SLC12A7: variants seen among roughly 807,000 people sequenced by gnomAD.
SLC12A7 encodes the protein K-Cl cotransporter 4.
In SLC12A7, 100 loss-of-function variants were observed where a neutral mutation model predicts 120.6. The ratio of observed to expected loss-of-function variants is 0.83; its 90% CI spans 0.71 to 0.98. The LOEUF is 0.98. Among genes scored for constraint, SLC12A7 ranks in the 50% least tolerant of loss-of-function variants. The pLI is 0.00. For missense variants in SLC12A7, 1,373 were observed against 1,548.1 expected (o/e 0.89, Z 1.90); for synonymous variants, 760 against 678.0 (o/e 1.12, Z -1.88).
the SLC12A7 span, among the ~76,000 whole-genome samples, chr5:1,129,959 G>C: frequency 6.6e-6 from 1 of 152,164 alleles, no homozygotes; most frequent in East Asian, 1.9e-4. Flanking sequence ...AGGGGTCAGA[G>C]CTCAAGGGAC....
chr5:1,096,538 C>T (rs1741149349), intron 1 of SLC12A7, among the ~76,000 whole-genome samples: 1 of 151,620 alleles, frequency 6.6e-6, no homozygotes, highest in African/African-American at 2.4e-5. Context: ...TGGATTCCTG[C>T]TCAGGCCCTT....
intron 22 of SLC12A7, among the ~76,000 whole-genome samples, chr5:1,056,012 G>T: frequency 6.6e-6 from 1 of 152,172 alleles, no homozygotes; most frequent in East Asian, 1.9e-4. Context: ...GGCGGGGGCA[G>T]GCAGGGGACA....
In SLC12A7 at chr5:1,088,373, A is replaced by G; in HGVS notation, c.490-13T>C. 1 of 1,570,088 alleles carries G rather than the reference A, an allele frequency of 6.4e-7. No homozygotes were observed. Among genetic ancestry groups the G allele is most frequent in the Non-Finnish European group, 8.6e-7 (1 of 1,157,336 alleles). ...CGGTCAGCATTGTCTGCAAAAAGAC[A>G]GGCAGCCATCTGAGGAGAGTTTTCC... On this transcript the variant is annotated splice_polypyrimidine_tract_variant and intron_variant, in intron 4 of 23. Transcript: ENST00000264930.
chr5:1,120,982 G>A, the SLC12A7 span, among the ~76,000 whole-genome samples: 1 of 152,216 alleles, frequency 6.6e-6, no homozygotes. Flanking sequence ...TGCTCCCTGG[G>A]TGCCAGCTGC....
At chr5:1,140,878 C>G in the SLC12A7 span, among the ~76,000 whole-genome samples, 1 of 152,222 alleles carries the variant, frequency 6.6e-6, no homozygotes, top group Admixed American at 6.5e-5. Flanking sequence ...GGAGAATGTT[C>G]TGAGGGGAAC....
chr5:1,058,940 G>A (rs566403670), intron 21 of SLC12A7, among the ~76,000 whole-genome samples: 1 of 152,318 alleles, frequency 6.6e-6, no homozygotes, highest in Non-Finnish European at 1.5e-5. Flanking sequence ...GCCCAGGAGG[G>A]GCCCTTCGAG....
intron 7 of SLC12A7, among the ~76,000 whole-genome samples, 198 bp from the exon 8 acceptor site, chr5:1,084,154 G>A (rs570779035): frequency 1.3e-5 from 2 of 148,504 alleles, no homozygotes; most frequent in African/African-American, 5.2e-5. Context: ...AAGGGCCAGG[G>A]ATCACACTGG....
intron 1 of SLC12A7, among the ~76,000 whole-genome samples, chr5:1,103,207 C>A (rs1742180533): frequency 6.6e-6 from 1 of 152,158 alleles, no homozygotes; most frequent in South Asian, 2.1e-4. Context: ...CTGGCTAAAG[C>A]AGCGCTGCCT....
intron 17 of SLC12A7, among the ~76,000 whole-genome samples, chr5:1,066,990 C>T (rs2150808945): frequency 6.6e-6 from 1 of 152,282 alleles, no homozygotes; most frequent in South Asian, 2.1e-4. Context: ...TCCAGCAGCC[C>T]CTACGTCAGC....
chr5:1,074,412 C>T (rs1459920312), intron 16 of SLC12A7, among the ~76,000 whole-genome samples, 155 bp downstream of exon 16: 1 of 152,240 alleles, frequency 6.6e-6, no homozygotes, highest in Non-Finnish European at 1.5e-5. Context: ...CCAGCTGCGC[C>T]ATCCGCTCTG....
chr5:1,075,560 C>T (rs1043428266), intron 14 of SLC12A7, 70 bp from the exon 15 acceptor site: 26 of 1,543,640 alleles, frequency 1.7e-5, no homozygotes, highest in East Asian at 9.2e-5. Context: ...CACCACCACA[C>T]GGACACTGCC....
chr5:1,066,362 G>C (rs1737053330), intron 17 of SLC12A7, among the ~76,000 whole-genome samples: 1 of 152,198 alleles, frequency 6.6e-6, no homozygotes, highest in African/African-American at 2.4e-5. Context: ...TAGAGGATGA[G>C]ATTTGGGAGC....
chr5:1,140,374 T>A, the SLC12A7 span, among the ~76,000 whole-genome samples: 1 of 152,082 alleles, frequency 6.6e-6, no homozygotes, highest in Non-Finnish European at 1.5e-5. Flanking sequence ...TGCGTCTCCA[T>A]CTCCCTCGGT....
At chr5:1,131,764 G>C in the SLC12A7 span, among the ~76,000 whole-genome samples, 3 of 152,254 alleles carry the variant, frequency 2.0e-5, no homozygotes, top group African/African-American at 4.8e-5. Context: ...CCAGGACACG[G>C]GAAAGGGGCT....
chr5:1,079,165 G>A (rs972690734), intron 10 of SLC12A7, among the ~76,000 whole-genome samples: 7 of 152,308 alleles, frequency 4.6e-5, no homozygotes, highest in South Asian at 2.1e-4. Context: ...GTCCACACGC[G>A]GCAGGGTGAC....
intron 22 of SLC12A7, among the ~76,000 whole-genome samples, chr5:1,055,273 AAGACATGCATAGTATGTGCACAC>A (rs1264267552): frequency 6.6e-6 from 1 of 152,258 alleles, no homozygotes. Flanking sequence ...ACTAACATGT[AAGACATGCATAGTATGTGCACAC>A]AGACATGCAC....
At chr5:1,079,324 C>A (rs1326948632) in intron 10 of SLC12A7, 74 bp downstream of exon 10, 8 of 1,191,734 alleles carry the variant, frequency 6.7e-6, no homozygotes, top group African/African-American at 1.5e-5. Flanking sequence ...GGGTATGATG[C>A]TGAGCCGGGG....
chr5:1,051,221 G>A lies in SLC12A7; in HGVS notation c.*1139C>T. ...ACCGCCGCCTCCATGCAAGGCACAG[G>A]CCATGGCAGGGGACGCCCGGGACTC... On this transcript the variant is annotated 3_prime_UTR_variant, in exon 24 of 24. Transcript: ENST00000264930. 3.1e-6 allele frequency: 1 copy of A among 320,210 alleles called. No individual in the cohort carries two copies. Among genetic ancestry groups the A allele is most frequent in the Non-Finnish European group, 5.7e-6 (1 of 176,940 alleles). 19.8% of individuals were successfully genotyped at this position (320,210 alleles called of 1,614,324 possible). A position where few individuals can be genotyped will look rare whatever the true frequency, so the allele number is the denominator to read the frequency against.
chr5:1,074,730 T>G, intron 15 of SLC12A7, 59 bp from the exon 16 acceptor site: 1 of 1,517,528 alleles, frequency 6.6e-7, no homozygotes. Flanking sequence ...CTCTCCCACC[T>G]GGGAAAGGGG....
Sources: gnomAD v4.1 joint callset for allele counts (sites outside exome capture counted in the v4.1 genomes callset) on GRCh38, gnomAD v4.1.1 for gene constraint, MANE v1.5 for transcripts, NCBI Gene and HGNC (gene_info 2026-07-23, HGNC 2026-07-21) for gene names.